The following TENM2 variants were observed in gnomAD, a reference collection of about 807,000 sequenced individuals.
The protein encoded by TENM2 is teneurin transmembrane protein 2.
A neutral mutation model predicts 245.2 loss-of-function variants in TENM2; 52 were observed. The ratio of observed to expected loss-of-function variants is 0.21; its 90% CI spans 0.17 to 0.27. The LOEUF is 0.27. TENM2 is among the 10% of genes least tolerant of loss of function. The pLI, the probability that TENM2 is intolerant of heterozygous loss-of-function variation, is 1.00. For synonymous variants in TENM2, 1,363 were observed against 1,438.9 expected (o/e 0.95, Z 1.19); for missense variants, 3,046 against 3,666.8 (o/e 0.83, Z 4.37).
intron 2 of TENM2, among the ~76,000 whole-genome samples, chr5:167,532,368 C>T (rs545330138): frequency 5.9e-5 from 9 of 151,828 alleles, no homozygotes; most frequent in East Asian, 1.9e-4. Context: ...AAGACATACC[C>T]GAGACTGGGT....
chr5:167,308,758 T>G (rs1755835579), intron 1 of TENM2, among the ~76,000 whole-genome samples: 1 of 152,194 alleles, frequency 6.6e-6, no homozygotes. Context: ...GCTCGTGGTG[T>G]TCTCTCTCTA....
At chr5:168,177,104 G>C (rs568807319) in intron 13 of TENM2, among the ~76,000 whole-genome samples, 9 of 152,138 alleles carry the variant, frequency 5.9e-5, no homozygotes, top group Non-Finnish European at 1.3e-4. Flanking sequence ...GGTGAACTCC[G>C]ACCTCCCAAA....
chr5:167,978,995 G>A (rs1191655004), intron 4 of TENM2, among the ~76,000 whole-genome samples: 2 of 152,056 alleles, frequency 1.3e-5, no homozygotes, highest in African/African-American at 2.4e-5. Context: ...TCCTTGAAAG[G>A]GTTAAAGTCA....
At chr5:168,225,763 A>G (rs74668362) in intron 23 of TENM2, among the ~76,000 whole-genome samples, 2 of 136,360 alleles carry the variant, frequency 1.5e-5, no homozygotes, top group Admixed American at 1.4e-4. Flanking sequence ...CATCATCTCA[A>G]AAAAAAAAAA....
the TENM2 span, among the ~76,000 whole-genome samples, chr5:167,279,514 TTTCCTTCCTTCC>T: frequency 4.3e-3 from 422 of 98,290 alleles, 2 homozygotes; most frequent in South Asian, 0.011. Context: ...CCTTCCTTCC[TTTCCTTCCTTCC>T]TTCCTTCCTT....
intron 2 of TENM2, among the ~76,000 whole-genome samples, chr5:167,801,109 AATATATATATATATATATAT>A (rs869282464): frequency 3.0e-5 from 2 of 66,556 alleles, no homozygotes; most frequent in Non-Finnish European, 5.3e-5. Flanking sequence ...AAAAAAAAAA[AATATATATATATATATATAT>A]ATATATATAT....
chr5:167,903,811 C>T (rs1775891152), intron 3 of TENM2, among the ~76,000 whole-genome samples: 1 of 152,162 alleles, frequency 6.6e-6, no homozygotes, highest in Non-Finnish European at 1.5e-5. Context: ...TGGGAAAGCA[C>T]ATCAATGTTG....
chr5:167,640,802 G>A (rs554738325), intron 2 of TENM2, among the ~76,000 whole-genome samples: 1 of 135,326 alleles, frequency 7.4e-6, no homozygotes, highest in East Asian at 2.1e-4. Context: ...GTTACCTATA[G>A]AGAAATAGAA....
chr5:167,027,112 C>T, the TENM2 span, among the ~76,000 whole-genome samples: 1 of 152,060 alleles, frequency 6.6e-6, no homozygotes, highest in East Asian at 1.9e-4. Flanking sequence ...TTCACATTTC[C>T]GTAACCAAGT....
At chr5:168,146,563 A>G (rs1348048711) in intron 12 of TENM2, among the ~76,000 whole-genome samples, 4 of 151,174 alleles carry the variant, frequency 2.6e-5, no homozygotes, top group Admixed American at 1.3e-4. Flanking sequence ...GATTTGGTGC[A>G]TGTTTTTAAT....
intron 27 of TENM2, among the ~76,000 whole-genome samples, chr5:168,251,970 G>T (rs181318293): frequency 9.8e-5 from 15 of 152,340 alleles, no homozygotes; most frequent in African/African-American, 3.6e-4. Flanking sequence ...GCAAGAAGTG[G>T]TTCCTTCTCA....
At chr5:167,164,810 T>G in the TENM2 span, 1 of 152,182 alleles carries the variant, frequency 6.6e-6, no homozygotes, top group Non-Finnish European at 1.5e-5. Flanking sequence ...TAAATTAGAT[T>G]TGTCCATCCA....
chr5:168,188,800 T>A (rs1221085235), intron 13 of TENM2, among the ~76,000 whole-genome samples: 1 of 152,050 alleles, frequency 6.6e-6, no homozygotes, highest in South Asian at 2.1e-4. Context: ...CCTGGGGAGA[T>A]GTGGGGTGGG....
At chr5:167,545,623 A>G (rs1772511537) in intron 2 of TENM2, among the ~76,000 whole-genome samples, 1 of 152,250 alleles carries the variant, frequency 6.6e-6, no homozygotes, top group East Asian at 1.9e-4. Context: ...GGCATTAACA[A>G]AAACCACTTA....
At chr5:167,459,922 ACACACACACACACG>A (rs1470615039) in intron 2 of TENM2, among the ~76,000 whole-genome samples, 7 of 151,550 alleles carry the variant, frequency 4.6e-5, no homozygotes, top group African/African-American at 1.7e-4. Context: ...ACACACACAC[ACACACACACACACG>A]CACACACACA....
At chr5:167,071,420 G>C in the TENM2 span, among the ~76,000 whole-genome samples, 1 of 152,078 alleles carries the variant, frequency 6.6e-6, no homozygotes, top group Non-Finnish European at 1.5e-5. Flanking sequence ...TTCTAAGGAG[G>C]GAATCAAAGA....
intron 2 of TENM2, among the ~76,000 whole-genome samples, chr5:167,596,741 A>G (rs1243295923): frequency 6.6e-6 from 1 of 150,748 alleles, no homozygotes; most frequent in African/African-American, 2.4e-5. Flanking sequence ...GCTTGCAGTG[A>G]GCCGAGATCT....
intron 2 of TENM2, among the ~76,000 whole-genome samples, chr5:167,545,272 C>T (rs974305814): frequency 6.6e-6 from 1 of 152,178 alleles, no homozygotes; most frequent in Non-Finnish European, 1.5e-5. Context: ...CCAACCACAA[C>T]CTCCATAGAT....
chr5:166,996,387 G>A, the TENM2 span, among the ~76,000 whole-genome samples: 1 of 152,108 alleles, frequency 6.6e-6, no homozygotes. Context: ...TCAAACAAAC[G>A]AAAAACAATT....
Sources: gnomAD v4.1 joint callset for allele counts (sites outside exome capture counted in the v4.1 genomes callset) on GRCh38, gnomAD v4.1.1 for gene constraint, MANE v1.5 for transcripts, NCBI Gene and HGNC (gene_info 2026-07-23, HGNC 2026-07-21) for gene names.